ASTN2: variants seen among roughly 807,000 people sequenced by gnomAD.
ASTN2 encodes astrotactin-2.
ASTN2 carries 54 observed loss-of-function variants against 139.8 expected under a neutral mutation model. That is an observed-to-expected ratio of 0.39 (90% confidence interval 0.31 to 0.48). The LOEUF is 0.48. ASTN2 is among the 20% of genes least tolerant of loss of function. The pLI is 0.95. For missense variants in ASTN2, 1,565 were observed against 1,725.1 expected (o/e 0.91, Z 1.64); for synonymous variants, 756 against 719.5 (o/e 1.05, Z -0.81).
At chr9:116,820,845 C>T in intron 11 of ASTN2, 62 bp from the exon 12 acceptor site, 1 of 1,497,146 alleles carries the variant, frequency 6.7e-7, no homozygotes. Context: ...CCATCACACC[C>T]TCTCCTCCCT....
intron 19 of ASTN2, among the ~76,000 whole-genome samples, chr9:116,581,734 T>C (rs1418687651): frequency 1.3e-5 from 2 of 152,226 alleles, no homozygotes; most frequent in Non-Finnish European, 2.9e-5. Flanking sequence ...TGTGATCATT[T>C]TTCTTCATTC....
intron 1 of ASTN2, among the ~76,000 whole-genome samples, chr9:117,413,608 C>T (rs1428861658): frequency 6.6e-6 from 1 of 152,222 alleles, no homozygotes; most frequent in Non-Finnish European, 1.5e-5. Flanking sequence ...CACTGAAGGG[C>T]CGACTCCTCC....
intron 16 of ASTN2, chr9:116,686,723 A>C: frequency 6.4e-7 from 1 of 1,550,550 alleles, no homozygotes; most frequent in Non-Finnish European, 8.7e-7. Flanking sequence ...CAGGGGCTGC[A>C]GAGTGTACTC....
chr9:116,746,267 C>T (rs1829231071), intron 13 of ASTN2, among the ~76,000 whole-genome samples: 4 of 151,502 alleles, frequency 2.6e-5, no homozygotes, highest in African/African-American at 9.7e-5. Flanking sequence ...TTGTATTTTT[C>T]AGTAGAGATG....
intron 16 of ASTN2, among the ~76,000 whole-genome samples, chr9:116,653,609 A>G (rs1198289785): frequency 6.6e-6 from 1 of 152,204 alleles, no homozygotes; most frequent in African/African-American, 2.4e-5. Flanking sequence ...AAGCCTAGTA[A>G]TGTCAAGGCA....
intron 7 of ASTN2, among the ~76,000 whole-genome samples, chr9:117,002,381 G>A (rs1022093553): frequency 6.6e-5 from 10 of 152,156 alleles, no homozygotes; most frequent in African/African-American, 1.2e-4. Flanking sequence ...GTGGAGAGAC[G>A]AGTTGAACTC....
intron 10 of ASTN2, among the ~76,000 whole-genome samples, chr9:116,933,843 G>T (rs755472908): frequency 2.9e-4 from 44 of 151,988 alleles, no homozygotes; most frequent in Non-Finnish European, 4.4e-4. Context: ...GGACTGCTCT[G>T]TCTTCTGGCT....
chr9:116,653,635 G>A lies in ASTN2; in HGVS notation c.2807-1842C>T, dbSNP rs557387686. On this transcript the variant is annotated intron_variant, in intron 16 of 22. Transcript: ENST00000313400. ...TGTCAAGGCAAGCTCCTGCCTCAGT[G>A]GAAATAGGGGCCCTGCGCCCTGATG... is the stretch of plus-strand genomic sequence containing the variant. 1.9e-4 allele frequency among the ~76,000 whole-genome samples: 29 copies of A among 152,326 alleles called. No homozygotes were observed. The South Asian group carries it at 5.0e-3, about 26-fold the overall frequency.
intron 11 of ASTN2, among the ~76,000 whole-genome samples, chr9:116,842,614 T>A (rs368390240): frequency 6.6e-6 from 1 of 152,010 alleles, no homozygotes; most frequent in East Asian, 1.9e-4. Context: ...CTATTAATGC[T>A]GACATTGATT....
At chr9:116,635,155 T>G (rs1029438145) in intron 17 of ASTN2, among the ~76,000 whole-genome samples, 1 of 152,198 alleles carries the variant, frequency 6.6e-6, no homozygotes, top group Non-Finnish European at 1.5e-5. Context: ...TAAACCTAAG[T>G]CTATCTGATT....
chr9:116,964,216 G>GGTGTGGGT (rs1554765646), intron 10 of ASTN2, among the ~76,000 whole-genome samples: 1 of 140,708 alleles, frequency 7.1e-6, no homozygotes, highest in East Asian at 2.1e-4. Context: ...ACTGCCCTGG[G>GGTGTGGGT]GTGTGTGTGT....
intron 22 of ASTN2, among the ~76,000 whole-genome samples, chr9:116,426,969 C>T (rs1168562350): frequency 6.6e-6 from 1 of 152,038 alleles, no homozygotes; most frequent in Non-Finnish European, 1.5e-5. Context: ...CCAGCCTTAC[C>T]AAGAATTATT....
chr9:116,504,154 ATC>A (rs1210679649), intron 19 of ASTN2: 3 of 152,180 alleles, frequency 2.0e-5, no homozygotes, highest in African/African-American at 7.2e-5. Flanking sequence ...AATAAAAATC[ATC>A]TCTTTCTTAA....
At chr9:117,081,481 G>A (rs1828426537) in intron 5 of ASTN2, among the ~76,000 whole-genome samples, 1 of 152,088 alleles carries the variant, frequency 6.6e-6, no homozygotes, top group East Asian at 1.9e-4. Context: ...CCCACCCCCT[G>A]CACACTGTCT....
intron 16 of ASTN2, among the ~76,000 whole-genome samples, chr9:116,703,211 G>T (rs1019222635): frequency 1.1e-3 from 168 of 151,584 alleles, no homozygotes; most frequent in Non-Finnish European, 1.9e-3. Context: ...GTTTTGATTC[G>T]CATTTCTCTG....
At chr9:116,501,551 A>C (rs1849854062) in intron 19 of ASTN2, among the ~76,000 whole-genome samples, 1 of 152,186 alleles carries the variant, frequency 6.6e-6, no homozygotes, top group African/African-American at 2.4e-5. Context: ...ACTGACTTCC[A>C]GAATGGTTGA....
At chr9:116,800,231 CTCT>C (rs895292273) in intron 13 of ASTN2, among the ~76,000 whole-genome samples, 4 of 152,106 alleles carry the variant, frequency 2.6e-5, no homozygotes, top group Non-Finnish European at 2.9e-5. Flanking sequence ...TGCTCTACAT[CTCT>C]TCTTAATTCT....
rs535090350 is a variant in ASTN2 at position 116,888,051 on chromosome 9, A to G, written c.1890-24318T>C. 4.6e-5 allele frequency among the ~76,000 whole-genome samples: 7 copies of G among 152,308 alleles called. No homozygotes were observed. In the South Asian group the frequency reaches 1.2e-3, roughly 27 times the overall value. On this transcript the variant is annotated intron_variant, in intron 10 of 22. Transcript: ENST00000313400. ...TATTGATAATATATATTTTTCATAT[A>G]TCATAAGATCAGCAGTAACTTATAT...
chr9:116,671,834 C>T (rs73655468), intron 16 of ASTN2, among the ~76,000 whole-genome samples: 20,843 of 152,132 alleles, frequency 0.14, 1,501 homozygotes, highest in Middle Eastern at 0.2. Context: ...TATATGTCAT[C>T]TTGAAAATGG....
Sources: gnomAD v4.1 joint callset for allele counts (sites outside exome capture counted in the v4.1 genomes callset) on GRCh38, gnomAD v4.1.1 for gene constraint, MANE v1.5 for transcripts, NCBI Gene and HGNC (gene_info 2026-07-23, HGNC 2026-07-21) for gene names.